LRRFIP1: variants seen among roughly 807,000 people sequenced by gnomAD.
LRRFIP1 encodes the protein LRR binding FLII interacting protein 1.
A neutral mutation model predicts 104.4 loss-of-function variants in LRRFIP1; 62 were observed. The observed-to-expected ratio is 0.59, with a 90% CI of 0.48 to 0.73. LRRFIP1 has a LOEUF of 0.73. LRRFIP1 is among the 30% of genes least tolerant of loss of function. The pLI is 0.00. For synonymous variants in LRRFIP1, 300 were observed against 299.0 expected (o/e 1.00, Z -0.03); for missense variants, 796 against 824.5 (o/e 0.97, Z 0.42).
Position 237,681,678 on chromosome 2 carries a change from C to CTT in LRRFIP1, c.97-26848_97-26847dup, listed in dbSNP as rs1172576547. ...CACCGTGCCCGGCCGCAGTCCTATT[C>CTT]TTTTTTTTTTTTTTTTTTTGAGACG... On this transcript the variant is annotated intron_variant, in intron 1 of 23. Coordinates refer to ENST00000308482, the MANE Select transcript of LRRFIP1 (RefSeq NM_001137550.2). 9.1e-4 allele frequency among the ~76,000 whole-genome samples: 41 copies of CTT among 44,896 alleles called. 10 individuals are homozygous for CTT. The highest frequency in any genetic ancestry group is 6.1e-3 in the East Asian group (6 of 990). The allele number at this position is 44,896 out of a possible 152,430, so 29.5% of individuals were successfully genotyped here.
rs567352045 is a variant in LRRFIP1, at chr2:237,733,900, G to C, written c.489+82G>C. ...CCCCACCAAGCCCAGAGCCGGGGAT[G>C]TGCCTGTTCCCAGCCCCCTGGGGGA... On this transcript the variant is annotated intron_variant, in intron 9 of 23. Transcript: ENST00000308482. 6.8e-6 allele frequency: 10 copies of C among 1,471,400 alleles called. No homozygotes were observed. The East Asian group carries it at 2.3e-4, about 34-fold the overall frequency. 91.1% of individuals were successfully genotyped at this position (1,471,400 alleles called of 1,614,324 possible). A position where few individuals can be genotyped will look rare whatever the true frequency, so the allele number is the denominator to read the frequency against.
chr2:237,711,366 A>G lies in LRRFIP1; in HGVS notation c.183+2736A>G, dbSNP rs1244531283. On this transcript the variant is annotated intron_variant, in intron 2 of 23. Coordinates refer to ENST00000308482, the MANE Select transcript of LRRFIP1 (RefSeq NM_001137550.2). This position sits in a 1 kb window ranked among gnomAD's most constrained non-coding sequence, Gnocchi z 4.4. Reference sequence around the variant, plus strand: ...ATCATAAAGATATTTCAGGGGTCACAGGGGTCAAGATATCTCGCCCTGTTG... The same window carrying G: ...ATCATAAAGATATTTCAGGGGTCACGGGGGTCAAGATATCTCGCCCTGTTG... Among the ~76,000 whole-genome samples, 2 of 152,220 alleles carry G rather than the reference A, an allele frequency of 1.3e-5. No homozygotes were observed. The highest frequency in any genetic ancestry group is 2.9e-5 in the Non-Finnish European group (2 of 68,042).
chr2:237,702,692 T>C (rs899846764), intron 1 of LRRFIP1, among the ~76,000 whole-genome samples: 1 of 152,192 alleles, frequency 6.6e-6, no homozygotes, highest in Non-Finnish European at 1.5e-5. Flanking sequence ...CTCTTTGTTA[T>C]GAAACAGCAG....
At chr2:237,666,781 CTCTT>C (rs1415526190) in intron 1 of LRRFIP1, among the ~76,000 whole-genome samples, 1 of 61,050 alleles carries the variant, frequency 1.6e-5, no homozygotes, top group African/African-American at 5.2e-5. Flanking sequence ...TTCTCTCTGT[CTCTT>C]TCTTTCTCTT....
chr2:237,730,263 T>C (rs1334537542), intron 8 of LRRFIP1, among the ~76,000 whole-genome samples: 1 of 152,140 alleles, frequency 6.6e-6, no homozygotes, highest in Admixed American at 6.5e-5. Context: ...GGAAGGAAAA[T>C]CCAGAGTCTC....
In LRRFIP1 at chr2:237,692,544, ACTTT is replaced by A. The variant is rs917059337; in HGVS notation, c.97-15994_97-15991del. 5 of 1,500,468 alleles carry A rather than the reference ACTTT, an allele frequency of 3.3e-6. No individual in the cohort carries two copies. The African/African-American group carries it at 7.1e-5, about 21-fold the overall frequency. 92.9% of individuals were successfully genotyped at this position (1,500,468 alleles called of 1,614,324 possible). ...CTGGTAAGAGGAAAGCGCTTCCGAA[ACTTT>A]CTTTCGTGACTGCGGCGGGGTTTCA... On this transcript the variant is annotated intron_variant, in intron 1 of 23. Transcript: ENST00000308482.
chr2:237,764,635 A>G (rs2060143480), intron 19 of LRRFIP1: 2 of 987,664 alleles, frequency 2.0e-6, no homozygotes, highest in African/African-American at 1.7e-5. Context: ...ATGGTATTTT[A>G]TTTAAAGGAG....
At chr2:237,776,965 T>C (rs13418120) in intron 23 of LRRFIP1, among the ~76,000 whole-genome samples, 41,792 of 152,028 alleles carry the variant, frequency 0.27, 6,104 homozygotes, top group East Asian at 0.47. Flanking sequence ...ATTTTTCTCT[T>C]GCCAAATTTA....
intron 1 of LRRFIP1, among the ~76,000 whole-genome samples, chr2:237,685,115 C>G (rs56239760): frequency 2.3e-3 from 59 of 25,682 alleles, no homozygotes; most frequent in African/African-American, 3.7e-3. Context: ...CCCTCCCCCC[C>G]CCACACAAAA....
rs553196087 is a variant in LRRFIP1 at position 237,711,916 on chromosome 2, C to T, written c.184-2343C>T. ...AGCCCAGCGCAGCACGCGTTCCTAA[C>T]GGCGGCAACGGTGCCTTCATGAATT... On this transcript the variant is annotated intron_variant, in intron 2 of 23. Coordinates refer to ENST00000308482, the MANE Select transcript of LRRFIP1 (RefSeq NM_001137550.2). The surrounding 1 kb of genome is among the most constrained non-coding windows in gnomAD (Gnocchi z 4.4). Among the ~76,000 whole-genome samples the T allele has an allele frequency of 1.2e-3, 177 of 152,346 alleles. No individual in the cohort carries two copies. The highest frequency in any genetic ancestry group is 4.1e-3 in the African/African-American group (170 of 41,588).
intron 7 of LRRFIP1, among the ~76,000 whole-genome samples, chr2:237,724,919 T>G (rs1168986803): frequency 6.6e-6 from 1 of 152,218 alleles, no homozygotes; most frequent in African/African-American, 2.4e-5. Flanking sequence ...TAATGCCCTT[T>G]ACATGTGCTC....
chr2:237,711,432 G>C lies in LRRFIP1; in HGVS notation c.183+2802G>C, dbSNP rs995749064. ...ATCCGCCACTGAGAGCGGTGGTTTT[G>C]GTCTGTGCTCTCACCAGCAGGGACC... On this transcript the variant is annotated intron_variant, in intron 2 of 23. Coordinates refer to ENST00000308482, the MANE Select transcript of LRRFIP1 (RefSeq NM_001137550.2). This position sits in a 1 kb window ranked among gnomAD's most constrained non-coding sequence, Gnocchi z 4.4. 1.3e-5 allele frequency among the ~76,000 whole-genome samples: 2 copies of C among 152,214 alleles called. No homozygotes were observed. Among genetic ancestry groups the C allele is most frequent in the East Asian group, 3.8e-4 (2 of 5,202 alleles).
intron 1 of LRRFIP1, among the ~76,000 whole-genome samples, chr2:237,651,983 G>C (rs35292132): frequency 6.6e-6 from 1 of 152,150 alleles, no homozygotes; most frequent in African/African-American, 2.4e-5. Context: ...AGATTCTGGC[G>C]TACCTTTTGC....
intron 20 of LRRFIP1, among the ~76,000 whole-genome samples, chr2:237,771,342 C>G (rs2060608288): frequency 6.7e-6 from 1 of 149,930 alleles, no homozygotes. Flanking sequence ...CGCAAAGTTC[C>G]AAAAAGCATA....
At chr2:237,715,249 C>G (rs1386007972) in intron 3 of LRRFIP1, among the ~76,000 whole-genome samples, 2 of 152,152 alleles carry the variant, frequency 1.3e-5, no homozygotes, top group Admixed American at 1.3e-4. Flanking sequence ...AAGTAGATGC[C>G]AGAATCTCTT....
intron 1 of LRRFIP1, among the ~76,000 whole-genome samples, chr2:237,666,134 G>A (rs1474902309): frequency 3.9e-5 from 6 of 152,172 alleles, no homozygotes; most frequent in African/African-American, 7.2e-5. Context: ...GGTCTAATAC[G>A]TGGGCTTGTT....
intron 1 of LRRFIP1, among the ~76,000 whole-genome samples, chr2:237,704,176 A>G (rs1204403036): frequency 4.3e-5 from 6 of 138,530 alleles, no homozygotes; most frequent in African/African-American, 1.6e-4. Flanking sequence ...TTTTCAAGGC[A>G]GAGTCTCGCT....
chr2:237,641,496 C>CAA (rs10645424), intron 1 of LRRFIP1, among the ~76,000 whole-genome samples: 6,960 of 121,864 alleles, frequency 0.057, 238 homozygotes, highest in African/African-American at 0.097. Context: ...GACTCTGTCT[C>CAA]AAAAAAAAAA....
intron 14 of LRRFIP1, 86 bp downstream of exon 14, chr2:237,751,357 G>C (rs1156762359): frequency 9.1e-7 from 1 of 1,100,514 alleles, no homozygotes; most frequent in Non-Finnish European, 1.3e-6. Flanking sequence ...GAAATTCAAA[G>C]TGCATGCTTA....
Sources: gnomAD v4.1 joint callset for allele counts (sites outside exome capture counted in the v4.1 genomes callset) on GRCh38, gnomAD v4.1.1 for gene constraint, Gnocchi (gnomAD v3.1) non-coding constraint, MANE v1.5 for transcripts, NCBI Gene and HGNC (gene_info 2026-07-23, HGNC 2026-07-21) for gene names.